The following CDH18 variants were observed in gnomAD, a reference collection of about 807,000 sequenced individuals.
CDH18 encodes cadherin 18.
In CDH18, 31 loss-of-function variants were observed where a neutral mutation model predicts 67.9. That is an observed-to-expected ratio of 0.46 (90% CI 0.34 to 0.62). The LOEUF (loss-of-function observed/expected upper bound fraction) is 0.62. CDH18 is among the 20% of genes least tolerant of loss of function. The pLI is 0.01. For synonymous variants in CDH18, 362 were observed against 347.2 expected (o/e 1.04, Z -0.48); for missense variants, 890 against 975.5 (o/e 0.91, Z 1.17).
intron 2 of CDH18, among the ~76,000 whole-genome samples, chr5:19,965,421 A>C (rs1363185218): frequency 6.6e-6 from 1 of 152,186 alleles, no homozygotes; most frequent in African/African-American, 2.4e-5. Flanking sequence ...TCAATGTTTT[A>C]AATGGCTTGA....
At chr5:19,695,546 G>A (rs1038619315) in intron 5 of CDH18, among the ~76,000 whole-genome samples, 1 of 152,070 alleles carries the variant, frequency 6.6e-6, no homozygotes, top group African/African-American at 2.4e-5. Context: ...CATACAATCA[G>A]TAATAACAAA....
Position 20,304,782 on chromosome 5 carries a change from G to A in CDH18, c.-579-49277C>T, listed in dbSNP as rs1189785805. The A allele has an allele frequency of 5.6e-6, 9 of 1,610,834 alleles. No individual in the cohort carries two copies. In the African/African-American group the frequency reaches 9.4e-5, roughly 17 times the overall value. ...GCTGTAATTTTGTTGAGCCAACAAG[G>A]GAAGGAGACCGTGTTTCAGCCGCAG... is the stretch of plus-strand genomic sequence containing the variant. On this transcript the variant is annotated intron_variant, in intron 1 of 14. Coordinates refer to the CDH18 transcript ENST00000507958.
intron 10 of CDH18, among the ~76,000 whole-genome samples, chr5:19,505,039 TTG>T (rs1291226515): frequency 6.6e-6 from 1 of 152,144 alleles, no homozygotes; most frequent in Non-Finnish European, 1.5e-5. Context: ...TCCTATTCTA[TTG>T]TGTTTGTAAG....
chr5:19,799,803 A>G (rs1326303432), intron 3 of CDH18, among the ~76,000 whole-genome samples: 1 of 152,160 alleles, frequency 6.6e-6, no homozygotes, highest in Non-Finnish European at 1.5e-5. Context: ...TATGTGCTTG[A>G]TAGCCCCAAT....
intron 2 of CDH18, among the ~76,000 whole-genome samples, chr5:20,095,942 A>ACT (rs1745955547): frequency 6.6e-6 from 1 of 152,114 alleles, no homozygotes; most frequent in Admixed American, 6.6e-5. Context: ...CTGAACTGCA[A>ACT]AATAGGTCAA....
chr5:19,480,639 A>C (rs1293707172), intron 12 of CDH18, among the ~76,000 whole-genome samples: 2 of 152,140 alleles, frequency 1.3e-5, no homozygotes, highest in African/African-American at 4.8e-5. Flanking sequence ...AGCCTCCCAA[A>C]GTGCTGGGAT....
chr5:19,869,047 T>C (rs1260742868), intron 2 of CDH18, among the ~76,000 whole-genome samples: 1 of 152,202 alleles, frequency 6.6e-6, no homozygotes, highest in East Asian at 1.9e-4. Flanking sequence ...ACAGAGCCAT[T>C]ATGAAGGCAA....
intron 2 of CDH18, among the ~76,000 whole-genome samples, chr5:20,059,930 A>G (rs1742309523): frequency 6.6e-6 from 1 of 151,182 alleles, no homozygotes; most frequent in Admixed American, 6.6e-5. Flanking sequence ...AGCAATGAGA[A>G]CACATGGACA....
chr5:19,934,149 G>A (rs1793997720), intron 2 of CDH18, among the ~76,000 whole-genome samples: 1 of 150,738 alleles, frequency 6.6e-6, no homozygotes, highest in Non-Finnish European at 1.5e-5. Context: ...CAATAAATAA[G>A]AGTAGAAAGG....
intron 8 of CDH18, among the ~76,000 whole-genome samples, chr5:19,569,217 A>C (rs1740944938): frequency 6.6e-6 from 1 of 152,122 alleles, no homozygotes; most frequent in Non-Finnish European, 1.5e-5. Flanking sequence ...CTATCTCTCC[A>C]ATCTCATTAC....
At chr5:20,515,283 A>G (rs1755289851) in intron 1 of CDH18, among the ~76,000 whole-genome samples, 1 of 151,380 alleles carries the variant, frequency 6.6e-6, no homozygotes. Context: ...GGAAGGAAGA[A>G]AGGGGGAGAG....
At chr5:20,176,671 T>C (rs898251937) in intron 2 of CDH18, among the ~76,000 whole-genome samples, 1 of 152,182 alleles carries the variant, frequency 6.6e-6, no homozygotes, top group East Asian at 1.9e-4. Context: ...TTGAATGTAT[T>C]TGGAAAATAT....
At chr5:19,656,508 T>C (rs762659658) in intron 5 of CDH18, among the ~76,000 whole-genome samples, 3 of 152,108 alleles carry the variant, frequency 2.0e-5, no homozygotes, top group African/African-American at 4.8e-5. Flanking sequence ...CTTATTTCGT[T>C]TGGACAGCTT....
At chr5:20,077,594 T>C (rs1744062886) in intron 2 of CDH18, among the ~76,000 whole-genome samples, 1 of 152,156 alleles carries the variant, frequency 6.6e-6, no homozygotes, top group Admixed American at 6.5e-5. Context: ...TTCCCAAAAA[T>C]AGGAGATGTG....
At chr5:20,151,509 A>G (rs916224460) in intron 2 of CDH18, among the ~76,000 whole-genome samples, 1 of 152,128 alleles carries the variant, frequency 6.6e-6, no homozygotes, top group African/African-American at 2.4e-5. Context: ...ATACCCAATA[A>G]TGGGATTGTT....
At chr5:19,768,941 G>A (rs928586338) in intron 3 of CDH18, among the ~76,000 whole-genome samples, 3 of 151,486 alleles carry the variant, frequency 2.0e-5, no homozygotes, top group Non-Finnish European at 4.4e-5. Context: ...TTACTAGAAG[G>A]GCACAACAAC....
At chr5:19,749,519 CT>C (rs949704759) in intron 3 of CDH18, among the ~76,000 whole-genome samples, 1 of 150,816 alleles carries the variant, frequency 6.6e-6, no homozygotes, top group Admixed American at 6.6e-5. Context: ...TTTGATGTCA[CT>C]TAGTTTTTTT....
At chr5:19,714,143 T>C (rs1042940611) in intron 5 of CDH18, among the ~76,000 whole-genome samples, 1 of 152,156 alleles carries the variant, frequency 6.6e-6, no homozygotes, top group African/African-American at 2.4e-5. Flanking sequence ...CAAATACATG[T>C]TTAAATCCAG....
chr5:20,109,472 T>C (rs183580081), intron 2 of CDH18, among the ~76,000 whole-genome samples: 1 of 152,178 alleles, frequency 6.6e-6, no homozygotes, highest in South Asian at 2.1e-4. Flanking sequence ...AACAGACTTA[T>C]ACGGCAACAC....
Sources: allele counts gnomAD v4.1 joint callset (sites outside exome capture counted in the v4.1 genomes callset), GRCh38; gene constraint gnomAD v4.1.1; transcripts MANE v1.5; gene names NCBI Gene and HGNC (gene_info 2026-07-23, HGNC 2026-07-21).